The following TAFA1 variants were observed in gnomAD, a reference collection of about 807,000 sequenced individuals.
TAFA1 encodes chemokine-like protein TAFA-1.
TAFA1 carries 4 observed loss-of-function variants against 18.5 expected under a neutral mutation model. The ratio of observed to expected loss-of-function variants is 0.22; its 90% CI spans 0.11 to 0.49. TAFA1 has a LOEUF of 0.49. TAFA1 is among the 20% of genes least tolerant of loss of function. The pLI is 0.98. For synonymous variants in TAFA1, 56 were observed against 55.2 expected (o/e 1.01, Z -0.06); for missense variants, 147 against 169.0 (o/e 0.87, Z 0.72).
chr3:68,455,673 T>C (rs981218610), intron 3 of TAFA1, among the ~76,000 whole-genome samples: 5 of 152,162 alleles, frequency 3.3e-5, no homozygotes, highest in Admixed American at 6.5e-5. Flanking sequence ...TTTTGCCATA[T>C]ACATGATCAT....
At chr3:68,056,034 C>G (rs1435475643) in intron 2 of TAFA1, among the ~76,000 whole-genome samples, 1 of 152,166 alleles carries the variant, frequency 6.6e-6, no homozygotes, top group Non-Finnish European at 1.5e-5. Context: ...CTTGGTCCAA[C>G]TATCCAATTC....
At chr3:68,249,082 A>T (rs954919261) in intron 2 of TAFA1, among the ~76,000 whole-genome samples, 1 of 152,104 alleles carries the variant, frequency 6.6e-6, no homozygotes. Flanking sequence ...TACTGAAGGT[A>T]ATAGGGGCTC....
At chr3:68,334,232 GA>G (rs1287182149) in intron 2 of TAFA1, among the ~76,000 whole-genome samples, 1 of 152,086 alleles carries the variant, frequency 6.6e-6, no homozygotes. Context: ...TTTATACATA[GA>G]AAAAATGGTA....
intron 2 of TAFA1, among the ~76,000 whole-genome samples, chr3:68,317,630 C>G (rs1363309632): frequency 6.6e-6 from 1 of 152,162 alleles, no homozygotes; most frequent in Non-Finnish European, 1.5e-5. Flanking sequence ...ATCATGGTCC[C>G]TGGAATATGC....
chr3:68,302,545 C>CT lies in TAFA1; in HGVS notation c.119-114724dup, dbSNP rs995018826. On this transcript the variant is annotated intron_variant, in intron 2 of 4. Transcript: ENST00000478136. ...CCCTTTTCTTTTCTTGTTAATCTTTCTTTTTTTTTTTAATTTTGAATCTTT... is the reference window on the plus strand; with the variant it reads ...CCCTTTTCTTTTCTTGTTAATCTTTCTTTTTTTTTTTTAATTTTGAATCTTT... Among the ~76,000 whole-genome samples, 571 of 147,532 alleles carry CT rather than the reference C, an allele frequency of 3.9e-3. 2 individuals carry two copies. The highest frequency in any genetic ancestry group is 3.0e-3 in the Non-Finnish European group (199 of 66,472).
At chr3:68,305,417 A>C (rs1189230157) in intron 2 of TAFA1, among the ~76,000 whole-genome samples, 92 of 46,086 alleles carry the variant, frequency 2.0e-3, no homozygotes, top group Non-Finnish European at 3.5e-3. Flanking sequence ...GACTATATAT[A>C]TATATATATA....
chr3:68,313,150 A>C (rs535085231), intron 2 of TAFA1, among the ~76,000 whole-genome samples: 1 of 152,238 alleles, frequency 6.6e-6, no homozygotes, highest in Admixed American at 6.5e-5. Flanking sequence ...GGGAGCTACA[A>C]GATGAGATTT....
At chr3:68,496,449 G>C (rs1158461703) in intron 3 of TAFA1, among the ~76,000 whole-genome samples, 2 of 152,094 alleles carry the variant, frequency 1.3e-5, no homozygotes, top group Non-Finnish European at 2.9e-5. Context: ...AATGCTCTGA[G>C]AAGCCCAAGC....
At chr3:68,313,286 A>G (rs1352855) in intron 2 of TAFA1, among the ~76,000 whole-genome samples, 45,690 of 152,052 alleles carry the variant, frequency 0.3, 10,654 homozygotes, top group African/African-American at 0.64. Flanking sequence ...TGAAAGTGTA[A>G]CATTGTCTTG....
chr3:68,142,599 T>G (rs1436092693), intron 2 of TAFA1, among the ~76,000 whole-genome samples: 2 of 152,166 alleles, frequency 1.3e-5, no homozygotes, highest in Non-Finnish European at 2.9e-5. Context: ...TGTTATCAAT[T>G]AAAGTCTAAA....
At chr3:68,422,468 C>G (rs530356187) in intron 3 of TAFA1, among the ~76,000 whole-genome samples, 2 of 152,064 alleles carry the variant, frequency 1.3e-5, no homozygotes, top group South Asian at 2.1e-4. Flanking sequence ...TTGCCTTCCT[C>G]TGAAATTTCA....
At chr3:68,007,429 G>A (rs1014923929) in intron 2 of TAFA1, among the ~76,000 whole-genome samples, 27 of 152,072 alleles carry the variant, frequency 1.8e-4, no homozygotes, top group Non-Finnish European at 4.0e-4. Context: ...CCACGGCCTC[G>A]CTCTTCATTC....
intron 2 of TAFA1, among the ~76,000 whole-genome samples, chr3:68,264,839 C>G (rs1345330316): frequency 6.6e-6 from 1 of 151,980 alleles, no homozygotes; most frequent in Non-Finnish European, 1.5e-5. Context: ...TTGTTTATTT[C>G]AAGACCTTCA....
intron 2 of TAFA1, among the ~76,000 whole-genome samples, chr3:68,031,607 T>G (rs1156431430): frequency 6.6e-6 from 1 of 152,194 alleles, no homozygotes; most frequent in Non-Finnish European, 1.5e-5. Context: ...TTCCATTTGC[T>G]GAAATGTTCC....
At chr3:68,209,711 T>C (rs1559559591) in intron 2 of TAFA1, among the ~76,000 whole-genome samples, 2 of 152,106 alleles carry the variant, frequency 1.3e-5, no homozygotes, top group Non-Finnish European at 2.9e-5. Context: ...CAACAAATAC[T>C]ACAACATTAC....
intron 2 of TAFA1, among the ~76,000 whole-genome samples, chr3:68,326,733 G>T (rs994554): frequency 0.14 from 20,579 of 152,120 alleles, 1,758 homozygotes; most frequent in East Asian, 0.37. Flanking sequence ...AGACACAATA[G>T]CACACTTATC....
chr3:68,050,995 C>G (rs6548948), intron 2 of TAFA1, among the ~76,000 whole-genome samples: 87,000 of 152,054 alleles, frequency 0.57, 25,104 homozygotes, highest in South Asian at 0.66. Context: ...TCTCAGCACA[C>G]ATACTAAAAG....
chr3:68,210,035 C>T (rs377490998), intron 2 of TAFA1, among the ~76,000 whole-genome samples: 9 of 151,848 alleles, frequency 5.9e-5, no homozygotes, highest in East Asian at 2.0e-4. Flanking sequence ...TTTCCTGGCC[C>T]GGGTTTGTAA....
chr3:68,126,948 G>A (rs2065471529), intron 2 of TAFA1, among the ~76,000 whole-genome samples: 1 of 152,162 alleles, frequency 6.6e-6, no homozygotes, highest in South Asian at 2.1e-4. Context: ...AAAGACTTAA[G>A]GTTTAGAGCA....
Sources: gnomAD v4.1 joint callset for allele counts (sites outside exome capture counted in the v4.1 genomes callset) on GRCh38, gnomAD v4.1.1 for gene constraint, MANE v1.5 for transcripts, NCBI Gene and HGNC (gene_info 2026-07-23, HGNC 2026-07-21) for gene names.